LRRC49: variants seen among roughly 807,000 people sequenced by gnomAD.
The protein encoded by LRRC49 is leucine rich repeat containing 49, also known as leucine-rich repeat-containing protein 49.
A neutral mutation model predicts 83.3 loss-of-function variants in LRRC49; 50 were observed. The ratio of observed to expected loss-of-function variants is 0.60; its 90% CI spans 0.48 to 0.76. The LOEUF (loss-of-function observed/expected upper bound fraction) is 0.76, where lower values mean the gene tolerates loss of function less well. Among genes scored for constraint, LRRC49 ranks in the 30% least tolerant of loss-of-function variants. The pLI is 0.00. For missense variants in LRRC49, 704 were observed against 809.1 expected, an observed-to-expected ratio of 0.87 and a Z score of 1.58; for synonymous variants, 286 against 283.3, an observed-to-expected ratio of 1.01 and a Z score of -0.10.
chr15:70,929,233 G>A (rs1200033413), intron 7 of LRRC49, among the ~76,000 whole-genome samples: 2 of 152,034 alleles, frequency 1.3e-5, no homozygotes, highest in Admixed American at 6.5e-5. Context: ...GAGATACTGT[G>A]GGTTCAGTTC....
At chr15:70,971,540 G>A (rs2141209397) in intron 9 of LRRC49, among the ~76,000 whole-genome samples, 1 of 152,198 alleles carries the variant, frequency 6.6e-6, no homozygotes, top group South Asian at 2.1e-4. Flanking sequence ...TTTCTGTCTT[G>A]TTAATCTGTC....
chr15:70,876,401 T>C (rs2033151895), intron 2 of LRRC49, among the ~76,000 whole-genome samples: 1 of 152,122 alleles, frequency 6.6e-6, no homozygotes, highest in Non-Finnish European at 1.5e-5. Flanking sequence ...TAGAGTCTAG[T>C]GGGGGAGATT....
At chr15:71,044,093 C>A (rs994067089) in intron 15 of LRRC49, among the ~76,000 whole-genome samples, 17 of 152,106 alleles carry the variant, frequency 1.1e-4, no homozygotes, top group African/African-American at 3.9e-4. Flanking sequence ...TGTAGGAGTT[C>A]CTATGTAGTC....
chr15:70,865,497 G>C (rs903010762), intron 1 of LRRC49, among the ~76,000 whole-genome samples: 1 of 152,138 alleles, frequency 6.6e-6, no homozygotes, highest in Non-Finnish European at 1.5e-5. Flanking sequence ...TGTTCATTAT[G>C]CTTCAGAACA....
At chr15:70,976,895 C>G (rs781565935) in intron 9 of LRRC49, among the ~76,000 whole-genome samples, 2 of 152,104 alleles carry the variant, frequency 1.3e-5, no homozygotes, top group Non-Finnish European at 2.9e-5. Flanking sequence ...AAATATAGCT[C>G]TCAGATACAT....
chr15:70,983,266 G>T (rs566215223), intron 10 of LRRC49, among the ~76,000 whole-genome samples: 24 of 152,082 alleles, frequency 1.6e-4, no homozygotes, highest in African/African-American at 4.6e-4. Context: ...TCACAAGAGG[G>T]TTTCTATGAG....
chr15:71,035,794 C>T (rs1420752258), intron 14 of LRRC49, among the ~76,000 whole-genome samples: 1 of 152,006 alleles, frequency 6.6e-6, no homozygotes, highest in African/African-American at 2.4e-5. Context: ...TGTGAATAGC[C>T]CTGCAATAAA....
At chr15:71,038,202 A>G (rs1443142807) in intron 15 of LRRC49, among the ~76,000 whole-genome samples, 2 of 152,312 alleles carry the variant, frequency 1.3e-5, no homozygotes, top group Non-Finnish European at 2.9e-5. Flanking sequence ...TATATAATAG[A>G]TATCTTTCAA....
chr15:70,955,209 A>G (rs1351188392), intron 8 of LRRC49, among the ~76,000 whole-genome samples: 1 of 152,108 alleles, frequency 6.6e-6, no homozygotes, highest in African/African-American at 2.4e-5. Context: ...CCATATTTTT[A>G]CTGTTATTTT....
intron 11 of LRRC49, among the ~76,000 whole-genome samples, chr15:70,994,533 G>T (rs2038012878): frequency 6.6e-6 from 1 of 152,036 alleles, no homozygotes; most frequent in Non-Finnish European, 1.5e-5. Flanking sequence ...GAAGTGCGGT[G>T]GCATGATCTC....
chr15:71,018,258 A>C (rs1288634824), intron 14 of LRRC49, among the ~76,000 whole-genome samples: 4 of 152,196 alleles, frequency 2.6e-5, no homozygotes, highest in Admixed American at 2.6e-4. Context: ...GGGAGGATAT[A>C]GATATGAGGA....
At chr15:70,996,807 C>G (rs2038089327) in intron 11 of LRRC49, among the ~76,000 whole-genome samples, 1 of 152,190 alleles carries the variant, frequency 6.6e-6, no homozygotes, top group African/African-American at 2.4e-5. Flanking sequence ...CTTCTATCAG[C>G]TACACTTTTG....
intron 9 of LRRC49, among the ~76,000 whole-genome samples, chr15:70,973,432 G>A (rs1423457012): frequency 1.3e-5 from 2 of 152,184 alleles, no homozygotes; most frequent in Non-Finnish European, 1.5e-5. Context: ...CCTGCTGGGA[G>A]GTATCTCCCC....
At chr15:70,899,938 T>A (rs946760707) in intron 3 of LRRC49, among the ~76,000 whole-genome samples, 1 of 152,178 alleles carries the variant, frequency 6.6e-6, no homozygotes, top group African/African-American at 2.4e-5. Context: ...GCATTCAAAC[T>A]GTCACGTTTG....
chr15:70,896,805 C>T (rs536126890), intron 3 of LRRC49, among the ~76,000 whole-genome samples: 6 of 152,208 alleles, frequency 3.9e-5, no homozygotes, highest in Admixed American at 3.9e-4. Context: ...TTAATTTTCT[C>T]TCTCTTTTTA....
chr15:70,854,049 T>G (rs1388048556), intron 1 of LRRC49: 1 of 1,425,848 alleles, frequency 7.0e-7, no homozygotes, highest in Non-Finnish European at 9.2e-7. Context: ...TGCACCGCCG[T>G]CTTGGGCCCG....
chr15:70,871,794 GA>G (rs548395872), intron 1 of LRRC49, among the ~76,000 whole-genome samples: 2,985 of 151,406 alleles, frequency 0.02, 32 homozygotes, highest in Non-Finnish European at 0.031. Context: ...TCACATCCCA[GA>G]CGGGGCGGGG....
chr15:70,935,645 A>G lies in LRRC49; in HGVS notation c.712-1116A>G, dbSNP rs571796300. Among the ~76,000 whole-genome samples, 56 of 152,354 alleles carry G rather than the reference A, an allele frequency of 3.7e-4. 2 individuals carry two copies. In the South Asian group the frequency reaches 0.011, roughly 30 times the overall value. On this transcript the variant is annotated intron_variant, in intron 7 of 15. Coordinates refer to ENST00000260382, the MANE Select transcript of LRRC49 (RefSeq NM_017691.5). ...TTAGGATTAAATATTGGTCACAATA[A>G]CATATAAAATATACTTATTTTTGTA... is the stretch of plus-strand genomic sequence containing the variant.
chr15:70,963,909 C>T lies in LRRC49; in HGVS notation c.898C>T (p.Gln300Ter). The T allele has an allele frequency of 6.2e-7, 1 of 1,613,290 alleles. No individual in the cohort carries two copies. Among genetic ancestry groups the T allele is most frequent in the Non-Finnish European group, 8.5e-7 (1 of 1,179,500 alleles). Residue 300 changes from glutamine (Q) to a stop codon, truncating the protein, a stop_gained, in exon 9 of 16, where the codon CAG becomes TAG. Transcript: ENST00000260382. LOFTEE classifies it high-confidence loss of function. ...TVLQNMMQLR[Q>*]LDMKRITEEE... is the part of the protein sequence containing the mutation. ...CCTTCAGAATATGATGCAGCTGCGCCAGCTAGATATGAAGAGAATCACGGT... is the reference window on the plus strand; with the variant it reads ...CCTTCAGAATATGATGCAGCTGCGCTAGCTAGATATGAAGAGAATCACGGT...
Sources: gnomAD v4.1 joint callset for allele counts (sites outside exome capture counted in the v4.1 genomes callset) on GRCh38, gnomAD v4.1.1 for gene constraint, MANE v1.5 for transcripts, NCBI Gene and HGNC (gene_info 2026-07-23, HGNC 2026-07-21) for gene names.